UBXN11: variants seen among roughly 807,000 people sequenced by gnomAD.
The protein encoded by UBXN11 is UBX domain-containing protein 11.
UBXN11 carries 47 observed loss-of-function variants against 62.8 expected under a neutral mutation model. That is an observed-to-expected ratio of 0.75 (90% CI 0.59 to 0.95). The LOEUF (loss-of-function observed/expected upper bound fraction) is 0.95. Among genes scored for constraint, UBXN11 ranks in the 40% least tolerant of loss-of-function variants. UBXN11 has a pLI of 0.00. For missense variants in UBXN11, 638 were observed against 661.7 expected (o/e 0.96, Z 0.39); for synonymous variants, 294 against 267.0 (o/e 1.10, Z -0.99).
At chr1:26,313,874 A>C (rs1330160053) in intron 1 of UBXN11, among the ~76,000 whole-genome samples, 2 of 146,254 alleles carry the variant, frequency 1.4e-5, no homozygotes, top group Admixed American at 1.4e-4. Flanking sequence ...TCTGCCTTCC[A>C]GGTTCATGCC....
intron 1 of UBXN11, among the ~76,000 whole-genome samples, chr1:26,316,125 A>ATTT (rs57889417): frequency 1.5e-4 from 14 of 91,464 alleles, no homozygotes; most frequent in Non-Finnish European, 2.1e-4. Flanking sequence ...TGCCCGGCTA[A>ATTT]TTTTTTTTTT....
chr1:26,285,981 C>A lies in UBXN11; in HGVS notation c.616G>T (p.Asp206Tyr). ...CCCTCTACCACCAGCTCACTAAGAT[C>A]CTGCAGGCTGGCCAGCAGCCTGTCA... The part of the protein sequence containing the change: ...DFDRLLASLQ[D>Y]LSELVVEGDT... The change falls in exon 9 of 15, where the codon GAT becomes TAT. Residue 206 changes from aspartate to tyrosine, a missense_variant. By Grantham distance (160) the Asp-to-Tyr change is radical. Coordinates refer to ENST00000374222, the MANE Select transcript of UBXN11 (RefSeq NM_001389556.1). 1 of 1,612,852 alleles carries A rather than the reference C, an allele frequency of 6.2e-7. No homozygotes were observed.
At chr1:26,310,024 C>T (rs1206889186), upstream of UBXN11, among the ~76,000 whole-genome samples, 3 of 152,154 alleles carry the variant, frequency 2.0e-5, no homozygotes. Context: ...AACTCCTGAG[C>T]TCAAGGGATC....
chr1:26,290,630 C>T (rs1398535724), intron 8 of UBXN11, among the ~76,000 whole-genome samples: 4 of 152,098 alleles, frequency 2.6e-5, no homozygotes, highest in African/African-American at 7.2e-5. Flanking sequence ...ACGCAGGCTG[C>T]GGAGTCAGGG....
chr1:26,284,252 G>A lies in UBXN11; in HGVS notation c.974-7C>T. 1.2e-6 allele frequency: 2 copies of A among 1,609,754 alleles called. No individual in the cohort carries two copies. Among genetic ancestry groups the A allele is most frequent in the Non-Finnish European group, 1.7e-6 (2 of 1,177,706 alleles). ...TCAGCAGTCATCCTGGAGCCTACAG[G>A]CAGAGTTGGGAACCGGGGCCCAGGA... On this transcript the variant is annotated splice_polypyrimidine_tract_variant and splice_region_variant and intron_variant, in intron 11 of 14. Coordinates refer to ENST00000374222, the MANE Select transcript of UBXN11 (RefSeq NM_001389556.1).
chr1:26,310,546 A>AAAAAAAG (rs1553165359), upstream of UBXN11, among the ~76,000 whole-genome samples: 5 of 150,468 alleles, frequency 3.3e-5, no homozygotes, highest in Admixed American at 6.6e-5. Flanking sequence ...CTCAAAAAAA[A>AAAAAAAG]AAAGAAAGAA....
At chr1:26,285,373 T>G (rs959007128) in intron 10 of UBXN11, 91 bp downstream of exon 10, 3 of 1,555,438 alleles carry the variant, frequency 1.9e-6, no homozygotes, top group Non-Finnish European at 2.6e-6. Flanking sequence ...GTGCAGCGGC[T>G]TCCCCTCAGA....
At chr1:26,294,473 T>C (rs2073348753) in intron 7 of UBXN11, 142 bp from the exon 8 acceptor site, 1 of 1,311,418 alleles carries the variant, frequency 7.6e-7, no homozygotes, top group South Asian at 1.5e-5. Context: ...AGTAGGGGGA[T>C]CTTGCCATTT....
At chr1:26,300,545 C>T (rs1364634404) in intron 4 of UBXN11, among the ~76,000 whole-genome samples, 1 of 152,236 alleles carries the variant, frequency 6.6e-6, no homozygotes, top group Admixed American at 6.5e-5. Context: ...AGCATTGCCA[C>T]AGCCCTCTGC....
Position 26,296,899 on chromosome 1 carries a change from C to T in UBXN11, c.432+20G>A, listed in dbSNP as rs1274486023. Reference sequence around the variant, plus strand: ...GGGGACTGCTGGCTGCCCGCATCCCCCGGGGCCCAGCTCTCTCACCTCCAT... The same window carrying T: ...GGGGACTGCTGGCTGCCCGCATCCCTCGGGGCCCAGCTCTCTCACCTCCAT... On this transcript the variant is annotated intron_variant, in intron 7 of 14. Coordinates refer to ENST00000374222, the MANE Select transcript of UBXN11 (RefSeq NM_001389556.1). 6.3e-7 allele frequency: 1 copy of T among 1,595,204 alleles called. No individual in the cohort carries two copies. Among genetic ancestry groups the T allele is most frequent in the South Asian group, 1.1e-5 (1 of 88,290 alleles).
chr1:26,309,270 C>T (rs2073715491), upstream of UBXN11, among the ~76,000 whole-genome samples: 1 of 106,788 alleles, frequency 9.4e-6, no homozygotes, highest in East Asian at 2.4e-4. Context: ...GAGACAGAGT[C>T]TCACTCTGTC....
chr1:26,298,903 G>GCCATCAT (rs111934265), intron 4 of UBXN11, among the ~76,000 whole-genome samples: 17 of 152,148 alleles, frequency 1.1e-4, no homozygotes, highest in African/African-American at 3.9e-4. Context: ...AGGAACCGCG[G>GCCATCAT]CCATCATCCT....
chr1:26,302,112 T>C (rs537703553), intron 2 of UBXN11, among the ~76,000 whole-genome samples: 1 of 152,154 alleles, frequency 6.6e-6, no homozygotes, highest in African/African-American at 2.4e-5. Flanking sequence ...GGCTGGTAAT[T>C]CCAGCACTTT....
At chr1:26,296,863 CG>C in intron 7 of UBXN11, 55 bp downstream of exon 7, 1 of 1,539,896 alleles carries the variant, frequency 6.5e-7, no homozygotes, top group South Asian at 1.2e-5. Context: ...AGGAACATGC[CG>C]TGAAGAGCTG....
At position 26,282,658 on chromosome 1, in the gene UBXN11, G is replaced by A. The variant is rs201808891; in HGVS notation, c.1283C>T (p.Ala428Val). 2.8e-5 allele frequency: 46 copies of A among 1,614,038 alleles called. No homozygotes were observed. The African/African-American group carries it at 5.3e-4, about 19-fold the overall frequency. ...CCTGCCCTGCACCCACCTGGCCTGC[G>A]CTAGCAGAGCTCGCACGTCCCCAAT... ...NTIGDVRALL[A>V]QARVMDASAF... is the part of the protein sequence containing the mutation. Residue 428 changes from alanine to valine, a missense_variant, in exon 14 of 15, where the codon GCG becomes GTG. Ala to Val is a moderately conservative substitution (Grantham distance 64). Transcript: ENST00000374222.
intron 8 of UBXN11, among the ~76,000 whole-genome samples, chr1:26,290,642 G>A (rs1282721843): frequency 1.3e-5 from 2 of 152,146 alleles, no homozygotes; most frequent in East Asian, 3.9e-4. Flanking sequence ...GAGTCAGGGG[G>A]CCTCCAACCC....
At chr1:26,315,986 G>A (rs1445301710) in intron 1 of UBXN11, among the ~76,000 whole-genome samples, 1 of 113,916 alleles carries the variant, frequency 8.8e-6, no homozygotes, top group Non-Finnish European at 1.8e-5. Context: ...TTGAGACAGG[G>A]TCTTGCTCTG....
intron 8 of UBXN11, among the ~76,000 whole-genome samples, chr1:26,288,360 T>C (rs6598954): frequency 0.88 from 133,119 of 152,130 alleles, 59,219 homozygotes; most frequent in Non-Finnish European, 0.93. Context: ...GCCAAGAAAA[T>C]GGCCCTGGCT....
upstream of UBXN11, chr1:26,306,824 C>CGGGGGGGGGG (rs1344172803): frequency 4.9e-3 from 25 of 5,130 alleles, no homozygotes; most frequent in Non-Finnish European, 5.9e-3. Flanking sequence ...AGGTCCGGGG[C>CGGGGGGGGGG]GGGGTGGGGG....
Sources: allele counts gnomAD v4.1 joint callset (sites outside exome capture counted in the v4.1 genomes callset), GRCh38; gene constraint gnomAD v4.1.1; transcripts MANE v1.5; gene names NCBI Gene and HGNC (gene_info 2026-07-23, HGNC 2026-07-21).